EXOC4: variants seen among roughly 807,000 people sequenced by gnomAD.
EXOC4 encodes the protein exocyst complex component 4.
EXOC4 carries 71 observed loss-of-function variants against 107.2 expected under a neutral mutation model. That is an observed-to-expected ratio of 0.66 (90% CI 0.55 to 0.81). EXOC4 has a LOEUF of 0.81. Ranked by LOEUF, EXOC4 falls within the 30% of genes least tolerant of loss-of-function variation. The pLI is 0.00. For missense variants in EXOC4, 1,108 were observed against 1,189.6 expected (o/e 0.93, Z 1.01); for synonymous variants, 456 against 441.2 (o/e 1.03, Z -0.42).
At chr7:133,290,957 A>G (rs1274814537) in intron 3 of EXOC4, 1 of 152,028 alleles carries the variant, frequency 6.6e-6, no homozygotes, top group African/African-American at 2.4e-5. Context: ...TGTGTGAGGG[A>G]GGAGGTTGGG....
At chr7:133,738,037 G>A (rs559782513) in intron 10 of EXOC4, among the ~76,000 whole-genome samples, 5 of 146,202 alleles carry the variant, frequency 3.4e-5, no homozygotes, top group South Asian at 2.2e-4. Flanking sequence ...TCAGCCTCCC[G>A]AGTAGCTGGG....
At chr7:133,833,858 C>T (rs1797862951) in intron 11 of EXOC4, among the ~76,000 whole-genome samples, 1 of 152,182 alleles carries the variant, frequency 6.6e-6, no homozygotes, top group Non-Finnish European at 1.5e-5. Context: ...AGTCACCGTA[C>T]CTGGCCCTTG....
chr7:133,927,570 A>G (rs901060646), intron 13 of EXOC4, among the ~76,000 whole-genome samples: 1 of 152,256 alleles, frequency 6.6e-6, no homozygotes, highest in South Asian at 2.1e-4. Flanking sequence ...GACTTTAGCT[A>G]TCTTGAACAA....
intron 7 of EXOC4, among the ~76,000 whole-genome samples, chr7:133,410,386 G>A (rs533776172): frequency 6.6e-6 from 1 of 152,334 alleles, no homozygotes; most frequent in South Asian, 2.1e-4. Context: ...ATCTGTGTGT[G>A]TGATTTTTTT....
At chr7:134,023,219 A>C (rs1002161207) in intron 17 of EXOC4, among the ~76,000 whole-genome samples, 1 of 152,220 alleles carries the variant, frequency 6.6e-6, no homozygotes, top group African/African-American at 2.4e-5. Context: ...CAATTAGTAT[A>C]GTTAGCATTA....
intron 4 of EXOC4, among the ~76,000 whole-genome samples, chr7:133,308,030 G>A (rs1191504196): frequency 6.6e-6 from 1 of 152,184 alleles, no homozygotes; most frequent in African/African-American, 2.4e-5. Flanking sequence ...AAAATGTAAG[G>A]AAACCAAAAT....
At chr7:134,068,495 C>T (rs1004707894), downstream of EXOC4, among the ~76,000 whole-genome samples, 6 of 144,804 alleles carry the variant, frequency 4.1e-5, no homozygotes, top group Non-Finnish European at 3.0e-5. Context: ...CCTCCCCAGC[C>T]ATGTGGAACT....
At chr7:133,601,282 A>G (rs1801801121) in intron 9 of EXOC4, among the ~76,000 whole-genome samples, 1 of 151,920 alleles carries the variant, frequency 6.6e-6, no homozygotes, top group Non-Finnish European at 1.5e-5. Context: ...TTATTTGGAG[A>G]CATAGCTTTC....
intron 10 of EXOC4, among the ~76,000 whole-genome samples, chr7:133,808,662 C>A (rs1005196920): frequency 6.6e-6 from 1 of 152,114 alleles, no homozygotes; most frequent in Non-Finnish European, 1.5e-5. Context: ...GGGTTTGATT[C>A]CCAAAGCCCA....
chr7:134,033,881 G>A (rs1229965840), intron 17 of EXOC4, among the ~76,000 whole-genome samples: 3 of 152,160 alleles, frequency 2.0e-5, no homozygotes, highest in African/African-American at 4.8e-5. Flanking sequence ...CAGCTCCAAG[G>A]TAGAATGATT....
rs945748008 is a variant in EXOC4, at chr7:133,926,179, A to G, written c.2027+8441A>G. Among the ~76,000 whole-genome samples the G allele has an allele frequency of 3.3e-5, 5 of 152,166 alleles. No homozygotes were observed. The East Asian group carries it at 9.6e-4, about 29-fold the overall frequency. On this transcript the variant is annotated intron_variant, in intron 13 of 17. Transcript: ENST00000253861. ...TCAGGAATTATTATTCCTACTCAACATATGAGGAAACTGAGGTGCAGAGGA... is the reference window on the plus strand; with the variant it reads ...TCAGGAATTATTATTCCTACTCAACGTATGAGGAAACTGAGGTGCAGAGGA...
In EXOC4 at chr7:133,491,865, C is replaced by T. The variant is rs547726666; in HGVS notation, c.1417+11727C>T. On this transcript the variant is annotated intron_variant, in intron 9 of 17. Coordinates refer to ENST00000253861, the MANE Select transcript of EXOC4 (RefSeq NM_021807.4). ...CCACACTGAACAAAGGAAGGGAACT[C>T]GCGGCAAGTAGGGAGAAGATGTGGA... 3.1e-3 allele frequency among the ~76,000 whole-genome samples: 467 copies of T among 152,232 alleles called. 3 individuals carry two copies. Among genetic ancestry groups the T allele is most frequent in the Admixed American group, 5.9e-3 (90 of 15,284 alleles).
At chr7:133,607,638 G>A (rs1801979662) in intron 9 of EXOC4, among the ~76,000 whole-genome samples, 1 of 152,136 alleles carries the variant, frequency 6.6e-6, no homozygotes, top group South Asian at 2.1e-4. Flanking sequence ...GAGTGAATTG[G>A]CACTATCACA....
chr7:133,726,576 C>A (rs1366009689), intron 10 of EXOC4, among the ~76,000 whole-genome samples: 2 of 152,214 alleles, frequency 1.3e-5, no homozygotes, highest in Admixed American at 1.3e-4. Flanking sequence ...CTCCAATAGG[C>A]TCTGCAATTT....
At chr7:133,811,940 A>G (rs1046819428) in intron 10 of EXOC4, among the ~76,000 whole-genome samples, 2 of 152,196 alleles carry the variant, frequency 1.3e-5, no homozygotes, top group Admixed American at 6.5e-5. Context: ...AATATTTCCT[A>G]CAAGTCTACT....
At position 133,902,456 on chromosome 7, in the gene EXOC4, T is replaced by C. The variant is rs1412193000; in HGVS notation, c.1871+6721T>C. Among the ~76,000 whole-genome samples, 3 of 152,338 alleles carry C rather than the reference T, an allele frequency of 2.0e-5. No individual in the cohort carries two copies. In the East Asian group the frequency reaches 5.8e-4, roughly 29 times the overall value. On this transcript the variant is annotated intron_variant, in intron 12 of 17. Coordinates refer to ENST00000253861, the MANE Select transcript of EXOC4 (RefSeq NM_021807.4). ...GTGCTAGTACAAGAGTTTGTAGATA[T>C]AACAGTGAACTAAGCAGATTAAATA... is the stretch of plus-strand genomic sequence containing the variant.
At chr7:133,844,114 C>A (rs895701172) in intron 11 of EXOC4, among the ~76,000 whole-genome samples, 1 of 151,848 alleles carries the variant, frequency 6.6e-6, no homozygotes, top group Non-Finnish European at 1.5e-5. Flanking sequence ...AGGATATTGG[C>A]CTTAAGTTTT....
chr7:133,794,677 T>C (rs1338509743), intron 10 of EXOC4, among the ~76,000 whole-genome samples: 1 of 152,216 alleles, frequency 6.6e-6, no homozygotes, highest in Non-Finnish European at 1.5e-5. Flanking sequence ...TCCAGGCTGC[T>C]GAAAATAGCT....
At chr7:133,262,364 G>GT (rs1025909791) in intron 1 of EXOC4, among the ~76,000 whole-genome samples, 604 of 143,378 alleles carry the variant, frequency 4.2e-3, no homozygotes, top group Middle Eastern at 7.2e-3. Flanking sequence ...ATAGTGGCCA[G>GT]TTTTTTTTTT....
Sources: allele counts gnomAD v4.1 joint callset (sites outside exome capture counted in the v4.1 genomes callset), GRCh38; gene constraint gnomAD v4.1.1; transcripts MANE v1.5; gene names NCBI Gene and HGNC (gene_info 2026-07-23, HGNC 2026-07-21).